Variants in CTNNA3 observed in about 807,000 individuals in gnomAD.
CTNNA3 encodes catenin alpha 3.
In CTNNA3, 76 loss-of-function variants were observed where a neutral mutation model predicts 95.7. That is an observed-to-expected ratio of 0.79 (90% confidence interval 0.66 to 0.96). The LOEUF (loss-of-function observed/expected upper bound fraction) is 0.96, where lower values mean the gene tolerates loss of function less well. Ranked by LOEUF, CTNNA3 falls within the 40% of genes least tolerant of loss-of-function variation. CTNNA3 has a pLI of 0.00. For synonymous variants in CTNNA3, 431 were observed against 374.4 expected, an observed-to-expected ratio of 1.15 and a Z score of -1.74; for missense variants, 1,191 against 1,089.8, an observed-to-expected ratio of 1.09 and a Z score of -1.31.
chr10:66,054,087 C>CA (rs2080021155), intron 15 of CTNNA3, among the ~76,000 whole-genome samples: 1 of 152,126 alleles, frequency 6.6e-6, no homozygotes, highest in African/African-American at 2.4e-5. Context: ...AATAATATTC[C>CA]ATTGTGTATA....
chr10:67,200,334 A>C (rs1371051309), intron 6 of CTNNA3, among the ~76,000 whole-genome samples: 1 of 152,186 alleles, frequency 6.6e-6, no homozygotes, highest in African/African-American at 2.4e-5. Flanking sequence ...AATTCTTACT[A>C]TTGATAAAAA....
At chr10:67,296,833 C>A (rs1305601289) in intron 5 of CTNNA3, among the ~76,000 whole-genome samples, 2 of 147,592 alleles carry the variant, frequency 1.4e-5, no homozygotes, top group African/African-American at 5.1e-5. Flanking sequence ...ACTTGGGAGG[C>A]TGAGGCAGGA....
intron 7 of CTNNA3, among the ~76,000 whole-genome samples, chr10:67,177,163 C>T (rs180899774): frequency 5.9e-5 from 9 of 152,174 alleles, no homozygotes; most frequent in Admixed American, 4.6e-4. Flanking sequence ...CTGTTTTGTC[C>T]GTTATAGACC....
At chr10:66,840,410 A>ACC (rs1554861314) in intron 7 of CTNNA3, among the ~76,000 whole-genome samples, 2,312 of 114,530 alleles carry the variant, frequency 0.02, 35 homozygotes, top group Middle Eastern at 0.041. Context: ...ACACACACAC[A>ACC]CCCCTCGGTA....
At chr10:67,657,151 A>G (rs543578077) in intron 1 of CTNNA3, among the ~76,000 whole-genome samples, 7 of 152,190 alleles carry the variant, frequency 4.6e-5, no homozygotes, top group Admixed American at 4.6e-4. Flanking sequence ...AGAACTCAAG[A>G]TATCTTTAAG....
intron 7 of CTNNA3, among the ~76,000 whole-genome samples, chr10:67,057,709 G>C (rs1330748478): frequency 6.6e-6 from 1 of 152,044 alleles, no homozygotes; most frequent in Admixed American, 6.6e-5. Flanking sequence ...GCCCTGTCCT[G>C]ATCACCATTT....
intron 11 of CTNNA3, among the ~76,000 whole-genome samples, chr10:66,456,324 A>C (rs570784605): frequency 6.6e-6 from 1 of 152,308 alleles, no homozygotes; most frequent in South Asian, 2.1e-4. Context: ...TGTGGTATAG[A>C]TCAGCTGATC....
At chr10:67,341,507 G>C (rs1330441218) in intron 5 of CTNNA3, among the ~76,000 whole-genome samples, 1 of 152,068 alleles carries the variant, frequency 6.6e-6, no homozygotes, top group Non-Finnish European at 1.5e-5. Context: ...CCATCCATGT[G>C]GTTCCAAATG....
At chr10:66,603,132 A>G (rs1843992556) in intron 10 of CTNNA3, among the ~76,000 whole-genome samples, 1 of 152,038 alleles carries the variant, frequency 6.6e-6, no homozygotes, top group South Asian at 2.1e-4. Context: ...CATCCAAATT[A>G]AAAAGGAAGA....
At chr10:66,928,706 C>T (rs970111948) in intron 7 of CTNNA3, among the ~76,000 whole-genome samples, 1 of 152,164 alleles carries the variant, frequency 6.6e-6, no homozygotes, top group Admixed American at 6.5e-5. Context: ...TAATATAATA[C>T]CTATTGTATA....
At chr10:67,432,275 C>T (rs1315786712) in intron 5 of CTNNA3, among the ~76,000 whole-genome samples, 2 of 151,898 alleles carry the variant, frequency 1.3e-5, no homozygotes, top group African/African-American at 4.8e-5. Context: ...AGAAAATGTA[C>T]ACTTACATTA....
chr10:67,197,000 T>C (rs1462179319), intron 6 of CTNNA3, among the ~76,000 whole-genome samples: 1 of 152,142 alleles, frequency 6.6e-6, no homozygotes, highest in Admixed American at 6.6e-5. Context: ...TTATTCTGTC[T>C]ACATTGAACT....
At chr10:67,054,850 T>C (rs1174380182) in intron 7 of CTNNA3, 2 of 151,932 alleles carry the variant, frequency 1.3e-5, no homozygotes, top group Admixed American at 6.6e-5. Context: ...AGGTAGGGAG[T>C]CCAACACTTC....
At chr10:67,018,839 C>T (rs534234382) in intron 7 of CTNNA3, among the ~76,000 whole-genome samples, 2 of 152,286 alleles carry the variant, frequency 1.3e-5, no homozygotes, top group South Asian at 2.1e-4. Flanking sequence ...ATTATTACTA[C>T]CCAGGCATTC....
At chr10:66,193,405 T>C (rs2086785683) in intron 13 of CTNNA3, among the ~76,000 whole-genome samples, 1 of 152,042 alleles carries the variant, frequency 6.6e-6, no homozygotes, top group African/African-American at 2.4e-5. Flanking sequence ...TAAGGAAAGA[T>C]CAAGCAAGGC....
At chr10:66,036,735 T>C (rs1458989151) in intron 15 of CTNNA3, among the ~76,000 whole-genome samples, 1 of 152,180 alleles carries the variant, frequency 6.6e-6, no homozygotes, top group Non-Finnish European at 1.5e-5. Flanking sequence ...CTTGGTTTAC[T>C]TTTATTAAAA....
chr10:67,210,553 C>T (rs1864098432), intron 6 of CTNNA3, among the ~76,000 whole-genome samples: 1 of 152,100 alleles, frequency 6.6e-6, no homozygotes, highest in Non-Finnish European at 1.5e-5. Context: ...AGCTAATTAA[C>T]ATGTCCATCA....
chr10:66,212,318 C>T (rs2088223267), intron 13 of CTNNA3, among the ~76,000 whole-genome samples: 3 of 152,018 alleles, frequency 2.0e-5, no homozygotes, highest in South Asian at 4.1e-4. Context: ...ATGCCTCAGC[C>T]TAATAATACT....
At chr10:67,001,333 T>C (rs1428700721) in intron 7 of CTNNA3, among the ~76,000 whole-genome samples, 1 of 145,104 alleles carries the variant, frequency 6.9e-6, no homozygotes, top group Non-Finnish European at 1.5e-5. Context: ...GAGAAAAAAA[T>C]TAAATAAACT....
Sources: allele counts gnomAD v4.1 joint callset (sites outside exome capture counted in the v4.1 genomes callset), GRCh38; gene constraint gnomAD v4.1.1; transcripts MANE v1.5; gene names NCBI Gene and HGNC (gene_info 2026-07-23, HGNC 2026-07-21).